The following NCAM2 variants were observed in gnomAD, a reference collection of about 807,000 sequenced individuals.
NCAM2 encodes the protein neural cell adhesion molecule 2, also known as N-CAM-2.
A neutral mutation model predicts 98.1 loss-of-function variants in NCAM2; 30 were observed. The observed-to-expected ratio is 0.31, with a 90% CI of 0.23 to 0.41. NCAM2 has a LOEUF of 0.41. Among genes scored for constraint, NCAM2 ranks in the 10% least tolerant of loss-of-function variants. The pLI, the probability that NCAM2 is intolerant of heterozygous loss-of-function variation, is 1.00. For missense variants in NCAM2, 867 were observed against 1,005.8 expected, an observed-to-expected ratio of 0.86 and a Z score of 1.87; for synonymous variants, 368 against 342.4, an observed-to-expected ratio of 1.07 and a Z score of -0.83.
At chr21:21,307,893 C>T (rs1312219636) in intron 5 of NCAM2, among the ~76,000 whole-genome samples, 1 of 152,002 alleles carries the variant, frequency 6.6e-6, no homozygotes, top group Non-Finnish European at 1.5e-5. Context: ...TGATTGGTCT[C>T]GCCTAGATAA....
intron 12 of NCAM2, among the ~76,000 whole-genome samples, chr21:21,436,373 A>C (rs1978331974): frequency 6.6e-6 from 1 of 152,204 alleles, no homozygotes; most frequent in Non-Finnish European, 1.5e-5. Context: ...ACCACTTACA[A>C]CATACTTTCA....
At chr21:21,133,522 A>G (rs2066978630) in intron 1 of NCAM2, among the ~76,000 whole-genome samples, 1 of 152,188 alleles carries the variant, frequency 6.6e-6, no homozygotes, top group Non-Finnish European at 1.5e-5. Context: ...AAATGGGAAA[A>G]GACCTGTAAA....
chr21:21,005,278 C>T (rs939264204), intron 1 of NCAM2, among the ~76,000 whole-genome samples: 3 of 152,022 alleles, frequency 2.0e-5, no homozygotes, highest in Non-Finnish European at 4.4e-5. Context: ...AAGAAGTGGA[C>T]GTGGCACATG....
intron 5 of NCAM2, among the ~76,000 whole-genome samples, chr21:21,317,550 A>T (rs2074255843): frequency 6.6e-6 from 1 of 151,564 alleles, no homozygotes; most frequent in Non-Finnish European, 1.5e-5. Context: ...TTAATTAATT[A>T]TTTTTTTTGA....
At position 21,507,109 on chromosome 21, in the gene NCAM2, G is replaced by GA. The variant is rs113469804; in HGVS notation, c.2078-1732dup. On this transcript the variant is annotated intron_variant, in intron 15 of 17. Coordinates refer to ENST00000400546, the MANE Select transcript of NCAM2 (RefSeq NM_004540.5). The stretch of plus-strand genomic sequence containing the variant: ...TAAAAATAACTTAAACCTATTTTTT[G>GA]AAAAAAAAAATAAAATAATGTAGAC... Among the ~76,000 whole-genome samples, 274 of 142,762 alleles carry GA rather than the reference G, an allele frequency of 1.9e-3. 1 individual carries two copies. Among genetic ancestry groups the GA allele is most frequent in the African/African-American group, 5.6e-3 (220 of 39,030 alleles). The allele number at this position is 142,762 out of a possible 152,430, so 93.7% of individuals were successfully genotyped here. A position where few individuals can be genotyped will look rare whatever the true frequency, so the allele number is the denominator to read the frequency against.
chr21:21,327,099 G>T (rs1158285170), intron 6 of NCAM2, among the ~76,000 whole-genome samples: 1 of 152,104 alleles, frequency 6.6e-6, no homozygotes, highest in East Asian at 1.9e-4. Flanking sequence ...TTCGTGAACC[G>T]CCTGCCTTTG....
chr21:21,408,826 CTT>C (rs1384789383), intron 9 of NCAM2, among the ~76,000 whole-genome samples: 1 of 151,662 alleles, frequency 6.6e-6, no homozygotes, highest in African/African-American at 2.4e-5. Context: ...GCATTTCAGA[CTT>C]GTATGTGAGA....
chr21:21,019,228 T>G (rs2064379455), intron 1 of NCAM2, among the ~76,000 whole-genome samples: 1 of 152,260 alleles, frequency 6.6e-6, no homozygotes, highest in Admixed American at 6.5e-5. Flanking sequence ...CCTCGCTCTG[T>G]ATACTTAAAT....
At chr21:21,191,835 G>A (rs912299849) in intron 1 of NCAM2, among the ~76,000 whole-genome samples, 1 of 152,208 alleles carries the variant, frequency 6.6e-6, no homozygotes, top group Non-Finnish European at 1.5e-5. Flanking sequence ...TTGCAACCTA[G>A]TGGGGGATGA....
At chr21:21,225,219 A>G (rs1297586265) in intron 1 of NCAM2, among the ~76,000 whole-genome samples, 1 of 152,098 alleles carries the variant, frequency 6.6e-6, no homozygotes, top group Non-Finnish European at 1.5e-5. Flanking sequence ...GAACACGTTG[A>G]CACAGGGCGG....
chr21:21,121,511 G>A (rs961085158), intron 1 of NCAM2, among the ~76,000 whole-genome samples: 4 of 152,068 alleles, frequency 2.6e-5, no homozygotes, highest in Non-Finnish European at 1.5e-5. Context: ...TTTGAATTGG[G>A]CTCTAATTAT....
intron 1 of NCAM2, among the ~76,000 whole-genome samples, chr21:21,159,870 T>A (rs2067729326): frequency 6.6e-6 from 1 of 151,956 alleles, no homozygotes; most frequent in Non-Finnish European, 1.5e-5. Flanking sequence ...GTAAAAAAAA[T>A]GAGTATACAT....
At chr21:21,365,972 T>G (rs1026960481) in intron 8 of NCAM2, among the ~76,000 whole-genome samples, 2 of 4,562 alleles carry the variant, frequency 4.4e-4, no homozygotes, top group Admixed American at 6.7e-3. Flanking sequence ...TGTTTCCCGT[T>G]TTAGGCAGGA....
rs2076567029 is a variant in NCAM2 at position 21,398,713 on chromosome 21, GA to G, written c.1196-11560del. Among the ~76,000 whole-genome samples, 3 of 152,256 alleles carry G rather than the reference GA, an allele frequency of 2.0e-5. No individual in the cohort carries two copies. In the East Asian group the frequency reaches 5.8e-4, roughly 29 times the overall value. ...AAGTCAGCAAGGGGCTTCTAAAACT[GA>G]CCAGGTAGTGACTATGAACTGGGCA... On this transcript the variant is annotated intron_variant, in intron 9 of 17. Coordinates refer to ENST00000400546, the MANE Select transcript of NCAM2 (RefSeq NM_004540.5).
chr21:21,241,612 G>A (rs2071068600), intron 1 of NCAM2, among the ~76,000 whole-genome samples: 2 of 152,098 alleles, frequency 1.3e-5, no homozygotes, highest in African/African-American at 4.8e-5. Flanking sequence ...ATGGCAAGCA[G>A]TCTAGGAAAC....
At chr21:21,395,443 G>C (rs1306922909) in intron 9 of NCAM2, among the ~76,000 whole-genome samples, 1 of 152,098 alleles carries the variant, frequency 6.6e-6, no homozygotes, top group East Asian at 1.9e-4. Flanking sequence ...TGACCATACT[G>C]CCAAAAGCAG....
intron 1 of NCAM2, among the ~76,000 whole-genome samples, chr21:21,255,515 G>C (rs1035862076): frequency 2.6e-5 from 4 of 152,152 alleles, no homozygotes; most frequent in African/African-American, 9.7e-5. Flanking sequence ...TTCTGTGATG[G>C]GAGCCTTTTG....
At chr21:21,311,415 A>G (rs1039157463) in intron 5 of NCAM2, among the ~76,000 whole-genome samples, 2 of 141,496 alleles carry the variant, frequency 1.4e-5, no homozygotes, top group African/African-American at 5.4e-5. Flanking sequence ...ATCTCCGCTC[A>G]CTGCAAGCTC....
intron 5 of NCAM2, among the ~76,000 whole-genome samples, chr21:21,296,697 G>A (rs1003415809): frequency 1.3e-5 from 2 of 151,604 alleles, no homozygotes; most frequent in African/African-American, 4.8e-5. Flanking sequence ...GAGATAATTG[G>A]GGCCTTTACT....
Sources: gnomAD v4.1 joint callset for allele counts (sites outside exome capture counted in the v4.1 genomes callset) on GRCh38, gnomAD v4.1.1 for gene constraint, MANE v1.5 for transcripts, NCBI Gene and HGNC (gene_info 2026-07-23, HGNC 2026-07-21) for gene names.